The following TMIGD3 variants were observed in gnomAD, a reference collection of about 807,000 sequenced individuals.
TMIGD3 encodes the protein transmembrane and immunoglobulin domain containing 3.
A neutral mutation model predicts 28.1 loss-of-function variants in TMIGD3; 21 were observed. The observed-to-expected ratio is 0.75, with a 90% CI of 0.53 to 1.08. TMIGD3 has a LOEUF of 1.08. Among genes scored for constraint, TMIGD3 ranks in the 50% least tolerant of loss-of-function variants. The pLI is 0.00. For synonymous variants in TMIGD3, 151 were observed against 162.1 expected (o/e 0.93, Z 0.52); for missense variants, 416 against 435.6 (o/e 0.96, Z 0.40).
chr1:111,526,247 A>G (rs12043528), intron 1 of TMIGD3, among the ~76,000 whole-genome samples: 1 of 152,272 alleles, frequency 6.6e-6, no homozygotes, highest in East Asian at 1.9e-4. Context: ...CTCATCTTGA[A>G]TTGTAGTTCC....
intron 1 of TMIGD3, among the ~76,000 whole-genome samples, chr1:111,551,129 A>T (rs1405455107): frequency 6.6e-6 from 1 of 152,128 alleles, no homozygotes; most frequent in Non-Finnish European, 1.5e-5. Context: ...TTGTGTCTTT[A>T]AATCTAAAGG....
chr1:111,545,958 G>A (rs189744870), intron 1 of TMIGD3, among the ~76,000 whole-genome samples: 253 of 152,162 alleles, frequency 1.7e-3, no homozygotes, highest in African/African-American at 5.8e-3. Flanking sequence ...CTGAACTTTC[G>A]GTTTAATTCA....
At chr1:111,518,265 A>G (rs1220824682) in intron 1 of TMIGD3, among the ~76,000 whole-genome samples, 1 of 152,198 alleles carries the variant, frequency 6.6e-6, no homozygotes, top group Non-Finnish European at 1.5e-5. Flanking sequence ...TCATTTGACA[A>G]TGGTAGTTAC....
intron 1 of TMIGD3, among the ~76,000 whole-genome samples, chr1:111,536,390 G>A (rs531899667): frequency 2.6e-5 from 4 of 152,250 alleles, no homozygotes; most frequent in Admixed American, 6.5e-5. Context: ...GCAGCACTGT[G>A]GGAAAATCCC....
chr1:111,527,159 T>C (rs1036354938), intron 1 of TMIGD3, among the ~76,000 whole-genome samples: 4 of 151,928 alleles, frequency 2.6e-5, no homozygotes, highest in African/African-American at 4.8e-5. Flanking sequence ...TACAGGTGCA[T>C]GCCACCACAC....
chr1:111,516,071 T>C (rs930921479), intron 1 of TMIGD3, among the ~76,000 whole-genome samples: 9 of 152,160 alleles, frequency 5.9e-5, no homozygotes, highest in African/African-American at 2.2e-4. Context: ...TGAGAGCAAT[T>C]GGGTTTGCCC....
intron 3 of TMIGD3, among the ~76,000 whole-genome samples, chr1:111,487,168 A>G (rs1654419323): frequency 6.6e-6 from 1 of 152,198 alleles, no homozygotes; most frequent in South Asian, 2.1e-4. Flanking sequence ...GACGTGGGAG[A>G]GGTCTGTGTT....
At chr1:111,500,155 C>A (rs1415621351) in intron 1 of TMIGD3, 1 of 1,613,964 alleles carries the variant, frequency 6.2e-7, no homozygotes, top group African/African-American at 1.3e-5. Context: ...GTAGATGATG[C>A]AGTTGATGAT....
At chr1:111,523,240 T>A (rs1656140893) in intron 1 of TMIGD3, among the ~76,000 whole-genome samples, 1 of 152,250 alleles carries the variant, frequency 6.6e-6, no homozygotes, top group African/African-American at 2.4e-5. Flanking sequence ...GACACAATGA[T>A]ATGGTTTTTA....
rs528927848 is a variant in TMIGD3, at chr1:111,490,425, G to T, written c.457+231C>A. 11 of 549,646 alleles carry T rather than the reference G, an allele frequency of 2.0e-5. No individual in the cohort carries two copies. The East Asian group carries it at 3.2e-4, about 16-fold the overall frequency. The allele number at this position is 549,646 out of a possible 1,614,324, so 34.0% of individuals were successfully genotyped here. A position where few individuals can be genotyped will look rare whatever the true frequency, so the allele number is the denominator to read the frequency against. On this transcript the variant is annotated intron_variant, in intron 2 of 5. Coordinates refer to ENST00000369716, the MANE Select transcript of TMIGD3 (RefSeq NM_020683.7). ...TATATGTGCTGCCAAAGTGAGTGCAGAGTCATCATTTTAGTCAAGCTTTTC... is the reference window on the plus strand; with the variant it reads ...TATATGTGCTGCCAAAGTGAGTGCATAGTCATCATTTTAGTCAAGCTTTTC...
chr1:111,534,425 G>T (rs940182279), intron 1 of TMIGD3, among the ~76,000 whole-genome samples: 13 of 152,222 alleles, frequency 8.5e-5, no homozygotes, highest in Admixed American at 2.6e-4. Context: ...GTTTGCTTTT[G>T]TCTATGCTGA....
At chr1:111,484,625 A>C (rs947696349) in intron 5 of TMIGD3, among the ~76,000 whole-genome samples, 5 of 152,216 alleles carry the variant, frequency 3.3e-5, no homozygotes, top group African/African-American at 9.6e-5. Flanking sequence ...TTCTGACCAC[A>C]GGAACAAAAT....
At chr1:111,513,078 C>T (rs373359003) in intron 1 of TMIGD3, among the ~76,000 whole-genome samples, 377 of 152,318 alleles carry the variant, frequency 2.5e-3, no homozygotes, top group African/African-American at 8.5e-3. Flanking sequence ...AGCTTCCAGA[C>T]ATTTAGTCTT....
At chr1:111,495,991 C>T (rs1158474606) in intron 1 of TMIGD3, among the ~76,000 whole-genome samples, 2 of 152,060 alleles carry the variant, frequency 1.3e-5, no homozygotes, top group African/African-American at 4.8e-5. Flanking sequence ...ACAACAGACA[C>T]AGGGGCTTAC....
At chr1:111,529,307 C>G (rs1441558529) in intron 1 of TMIGD3, among the ~76,000 whole-genome samples, 2 of 151,980 alleles carry the variant, frequency 1.3e-5, no homozygotes, top group East Asian at 3.9e-4. Flanking sequence ...GTTATCCTAT[C>G]CTTTGGAACT....
intron 1 of TMIGD3, among the ~76,000 whole-genome samples, chr1:111,528,720 A>G (rs529100685): frequency 6.6e-6 from 1 of 152,216 alleles, no homozygotes; most frequent in South Asian, 2.1e-4. Flanking sequence ...TTTCTCATAT[A>G]GATATTGTAC....
At chr1:111,525,894 T>A (rs1329192366) in intron 1 of TMIGD3, among the ~76,000 whole-genome samples, 2 of 151,998 alleles carry the variant, frequency 1.3e-5, no homozygotes, top group Non-Finnish European at 2.9e-5. Context: ...CAAAAACTAA[T>A]CTCTTTGGAG....
chr1:111,485,230 A>C (rs1185093087), intron 5 of TMIGD3: 1 of 152,518 alleles, frequency 6.6e-6, no homozygotes, highest in East Asian at 1.9e-4. Flanking sequence ...GCATGGTGGC[A>C]GGCGCCTGTG....
At chr1:111,500,367 G>A in intron 1 of TMIGD3, 1 of 1,614,212 alleles carries the variant, frequency 6.2e-7, no homozygotes, top group Non-Finnish European at 8.5e-7. Context: ...TGAGGAAGCT[G>A]AAGTATACCA....
Sources: allele counts gnomAD v4.1 joint callset (sites outside exome capture counted in the v4.1 genomes callset), GRCh38; gene constraint gnomAD v4.1.1; transcripts MANE v1.5; gene names NCBI Gene and HGNC (gene_info 2026-07-23, HGNC 2026-07-21).